The following FNBP1L variants were observed in gnomAD, a reference collection of about 807,000 sequenced individuals.
The protein encoded by FNBP1L is formin binding protein 1 like.
A neutral mutation model predicts 91.2 loss-of-function variants in FNBP1L; 36 were observed. The ratio of observed to expected loss-of-function variants is 0.39; its 90% CI spans 0.30 to 0.52. FNBP1L has a LOEUF of 0.52. Among genes scored for constraint, FNBP1L ranks in the 20% least tolerant of loss-of-function variants. FNBP1L has a pLI of 0.66. For synonymous variants in FNBP1L, 242 were observed against 237.0 expected (o/e 1.02, Z -0.19); for missense variants, 571 against 732.1 (o/e 0.78, Z 2.54).
At chr1:93,454,694 C>T (rs917027914) in intron 1 of FNBP1L, among the ~76,000 whole-genome samples, 1 of 151,958 alleles carries the variant, frequency 6.6e-6, no homozygotes, top group African/African-American at 2.4e-5. Context: ...TTGATTTCCA[C>T]GTCTGTGGAT....
intron 2 of FNBP1L, among the ~76,000 whole-genome samples, chr1:93,502,986 T>C (rs1255798665): frequency 6.6e-6 from 1 of 152,224 alleles, no homozygotes; most frequent in African/African-American, 2.4e-5. Context: ...TTTCCTCCTC[T>C]TTAATGGGAA....
At chr1:93,480,823 A>G (rs1030195677) in intron 1 of FNBP1L, among the ~76,000 whole-genome samples, 4 of 152,028 alleles carry the variant, frequency 2.6e-5, no homozygotes, top group African/African-American at 9.7e-5. Flanking sequence ...CGGCCTCCCA[A>G]AGTGCTGGGA....
At chr1:93,533,569 T>C (rs1330874361) in intron 8 of FNBP1L, among the ~76,000 whole-genome samples, 1 of 152,144 alleles carries the variant, frequency 6.6e-6, no homozygotes, top group Non-Finnish European at 1.5e-5. Flanking sequence ...ACTAGGGTCT[T>C]TTATCTCAGT....
At chr1:93,449,535 G>T (rs2101677441) in intron 1 of FNBP1L, among the ~76,000 whole-genome samples, 1 of 152,268 alleles carries the variant, frequency 6.6e-6, no homozygotes, top group South Asian at 2.1e-4. Flanking sequence ...TATTTTTCAC[G>T]TCTACTCATA....
chr1:93,475,188 A>G (rs1224127450), intron 1 of FNBP1L, among the ~76,000 whole-genome samples: 1 of 152,150 alleles, frequency 6.6e-6, no homozygotes, highest in Non-Finnish European at 1.5e-5. Flanking sequence ...GAAGTAAAAT[A>G]TACTCCTAAC....
chr1:93,488,611 C>T (rs1306573102), intron 1 of FNBP1L, among the ~76,000 whole-genome samples: 1 of 152,072 alleles, frequency 6.6e-6, no homozygotes, highest in Non-Finnish European at 1.5e-5. Flanking sequence ...TATAAACTGG[C>T]ATTCTGGCGC....
intron 1 of FNBP1L, among the ~76,000 whole-genome samples, chr1:93,460,812 A>T (rs1668834453): frequency 6.6e-6 from 1 of 152,194 alleles, no homozygotes; most frequent in Middle Eastern, 3.2e-3. Context: ...CAAAAGACTT[A>T]AACTTTCAGT....
chr1:93,505,991 T>C (rs1670597667), intron 2 of FNBP1L, among the ~76,000 whole-genome samples: 1 of 152,180 alleles, frequency 6.6e-6, no homozygotes, highest in African/African-American at 2.4e-5. Context: ...TTCATTCTTT[T>C]GCAATGGATA....
intron 2 of FNBP1L, among the ~76,000 whole-genome samples, chr1:93,500,877 C>T (rs1670422131): frequency 6.6e-6 from 1 of 152,054 alleles, no homozygotes; most frequent in South Asian, 2.1e-4. Flanking sequence ...AATCCGTTTC[C>T]CTCCTGTTTG....
intron 1 of FNBP1L, among the ~76,000 whole-genome samples, chr1:93,448,759 C>G (rs1041824419): frequency 3.9e-5 from 6 of 152,152 alleles, no homozygotes; most frequent in African/African-American, 1.4e-4. Flanking sequence ...GCCGCGATTC[C>G]TCGCCCGGGC....
intron 1 of FNBP1L, among the ~76,000 whole-genome samples, chr1:93,495,999 G>T (rs755554032): frequency 1.3e-5 from 2 of 152,098 alleles, no homozygotes; most frequent in Non-Finnish European, 2.9e-5. Flanking sequence ...AAATTGACTC[G>T]TGATTGTGGA....
At chr1:93,503,188 G>A (rs1048146644) in intron 2 of FNBP1L, among the ~76,000 whole-genome samples, 2 of 152,106 alleles carry the variant, frequency 1.3e-5, no homozygotes, top group African/African-American at 4.8e-5. Context: ...CAGCATGGCT[G>A]GGGAGGCCTC....
chr1:93,522,391 AT>A (rs1671358725), intron 3 of FNBP1L, among the ~76,000 whole-genome samples: 1 of 152,162 alleles, frequency 6.6e-6, no homozygotes, highest in Non-Finnish European at 1.5e-5. Flanking sequence ...CACTTGAATG[AT>A]TTAGTCTGCA....
At chr1:93,486,301 TAAAA>T (rs1334878061) in intron 1 of FNBP1L, among the ~76,000 whole-genome samples, 1 of 152,042 alleles carries the variant, frequency 6.6e-6, no homozygotes, top group Non-Finnish European at 1.5e-5. Flanking sequence ...ATTTTGGAAT[TAAAA>T]AAAATCAGAA....
At chr1:93,478,213 G>A (rs1334356388) in intron 1 of FNBP1L, among the ~76,000 whole-genome samples, 1 of 152,176 alleles carries the variant, frequency 6.6e-6, no homozygotes, top group African/African-American at 2.4e-5. Flanking sequence ...GATGTCTTTG[G>A]TGTTGGAAGC....
chr1:93,477,522 T>G (rs550793561), intron 1 of FNBP1L, among the ~76,000 whole-genome samples: 1 of 152,210 alleles, frequency 6.6e-6, no homozygotes, highest in Admixed American at 6.5e-5. Context: ...CTGCAAACTT[T>G]CGGGTGCACT....
chr1:93,457,310 A>G (rs941539826), intron 1 of FNBP1L, among the ~76,000 whole-genome samples: 1 of 151,998 alleles, frequency 6.6e-6, no homozygotes, highest in Admixed American at 6.6e-5. Context: ...GTTTTCTTCC[A>G]TTTTGCATCT....
chr1:93,484,883 A>G (rs1472383725), intron 1 of FNBP1L, among the ~76,000 whole-genome samples: 1 of 152,114 alleles, frequency 6.6e-6, no homozygotes, highest in African/African-American at 2.4e-5. Context: ...CCTGGGAGGA[A>G]TGGCTCACAC....
At chr1:93,449,579 T>C (rs778934858) in intron 1 of FNBP1L, among the ~76,000 whole-genome samples, 7 of 152,160 alleles carry the variant, frequency 4.6e-5, no homozygotes, top group Non-Finnish European at 5.9e-5. Flanking sequence ...GACTTTAGAG[T>C]CCATCTAGTG....
Sources: gnomAD v4.1 joint callset for allele counts (sites outside exome capture counted in the v4.1 genomes callset) on GRCh38, gnomAD v4.1.1 for gene constraint, MANE v1.5 for transcripts, NCBI Gene and HGNC (gene_info 2026-07-23, HGNC 2026-07-21) for gene names.